NFIB: variants seen among roughly 807,000 people sequenced by gnomAD.
NFIB encodes the protein nuclear factor I B.
Under a neutral mutation model 61.5 loss-of-function variants are expected in NFIB, and 11 were observed. The observed-to-expected ratio is 0.18, with a 90% confidence interval of 0.11 to 0.30. NFIB has a LOEUF of 0.30. NFIB is among the 10% of genes least tolerant of loss of function. NFIB has a pLI of 1.00. For synonymous variants in NFIB, 260 were observed against 216.5 expected, an observed-to-expected ratio of 1.20 and a Z score of -1.76; for missense variants, 471 against 608.9, an observed-to-expected ratio of 0.77 and a Z score of 2.38.
At chr9:14,116,913 C>A (rs1413010155) in intron 8 of NFIB, among the ~76,000 whole-genome samples, 1 of 152,216 alleles carries the variant, frequency 6.6e-6, no homozygotes, top group Non-Finnish European at 1.5e-5. Flanking sequence ...AGCTCTCTTA[C>A]ACACAGGTGT....
intron 2 of NFIB, among the ~76,000 whole-genome samples, chr9:14,242,902 T>C (rs991795151): frequency 1.3e-5 from 2 of 152,250 alleles, no homozygotes; most frequent in Non-Finnish European, 2.9e-5. Context: ...CTAATGAATA[T>C]ATATGTACTG....
chr9:14,218,637 T>C (rs550998157), intron 2 of NFIB, among the ~76,000 whole-genome samples: 1 of 152,208 alleles, frequency 6.6e-6, no homozygotes, highest in Non-Finnish European at 1.5e-5. Context: ...TCTGGATTAC[T>C]GGGAATTTTA....
chr9:14,503,338 C>A, the NFIB span, among the ~76,000 whole-genome samples: 1 of 152,074 alleles, frequency 6.6e-6, no homozygotes, highest in African/African-American at 2.4e-5. Context: ...AATGGTGGAT[C>A]TACTTTTAAT....
chr9:14,476,436 G>C, the NFIB span, among the ~76,000 whole-genome samples: 4 of 152,162 alleles, frequency 2.6e-5, no homozygotes, highest in African/African-American at 9.7e-5. Context: ...AGCCAGATCA[G>C]TGTTCATGCT....
At chr9:14,162,177 T>G (rs189854346) in intron 3 of NFIB, among the ~76,000 whole-genome samples, 1 of 152,016 alleles carries the variant, frequency 6.6e-6, no homozygotes, top group Admixed American at 6.6e-5. Flanking sequence ...AGCAGGAAAT[T>G]TTTTTCCTAA....
chr9:14,516,419 G>A, the NFIB span, among the ~76,000 whole-genome samples: 18 of 152,192 alleles, frequency 1.2e-4, no homozygotes, highest in African/African-American at 3.1e-4. Context: ...CAAAGGCACT[G>A]ACCGATAACT....
rs752586971 is a variant in NFIB, at chr9:14,270,252, G to A, written c.562+36737C>T. Among the ~76,000 whole-genome samples the A allele has an allele frequency of 2.0e-5, 3 of 152,014 alleles. 1 individual carries two copies. In the South Asian group the frequency reaches 6.2e-4, roughly 32 times the overall value. ...CCTAGGCAGAGTTCCTGTTCACACT[G>A]TACAGTTACTATTATTATTTATCAT... On this transcript the variant is annotated intron_variant, in intron 2 of 10. Coordinates refer to ENST00000380953, the MANE Select transcript of NFIB (RefSeq NM_001190737.2).
chr9:14,230,973 G>A (rs1049684938), intron 2 of NFIB, among the ~76,000 whole-genome samples: 1 of 122,564 alleles, frequency 8.2e-6, no homozygotes, highest in East Asian at 2.7e-4. Context: ...AAAGGCAAAG[G>A]GGGAGCGGAG....
At chr9:14,425,935 A>G in the NFIB span, among the ~76,000 whole-genome samples, 1 of 152,224 alleles carries the variant, frequency 6.6e-6, no homozygotes, top group African/African-American at 2.4e-5. Flanking sequence ...GACTAAAGGA[A>G]GAAAAACGAG....
chr9:14,518,618 T>C, the NFIB span, among the ~76,000 whole-genome samples: 1 of 151,830 alleles, frequency 6.6e-6, no homozygotes, highest in Non-Finnish European at 1.5e-5. Flanking sequence ...CACCACTACT[T>C]TTGTCCTGCA....
intron 2 of NFIB, among the ~76,000 whole-genome samples, chr9:14,287,111 C>T (rs1588136283): frequency 1.3e-5 from 2 of 152,096 alleles, no homozygotes; most frequent in South Asian, 2.1e-4. Context: ...TGATTTGTAA[C>T]CTTAAAAGAT....
chr9:14,335,392 A>C (rs1273489859), intron 1 of NFIB, among the ~76,000 whole-genome samples: 1 of 152,230 alleles, frequency 6.6e-6, no homozygotes, highest in Non-Finnish European at 1.5e-5. Flanking sequence ...TCTAGTAAGT[A>C]TGTAGTGTAT....
At chr9:14,204,839 T>C in intron 2 of NFIB, 3 of 462,194 alleles carry the variant, frequency 6.5e-6, no homozygotes, top group South Asian at 6.2e-5. Flanking sequence ...CAGGAAGACC[T>C]GCACCACTGC....
upstream of NFIB, among the ~76,000 whole-genome samples, chr9:14,316,054 G>A (rs1588295208): frequency 6.6e-6 from 1 of 152,026 alleles, no homozygotes; most frequent in South Asian, 2.1e-4. Context: ...CACTCCCTCT[G>A]GTTTCTGTCC....
At chr9:14,452,335 AAAG>A in the NFIB span, among the ~76,000 whole-genome samples, 1 of 150,984 alleles carries the variant, frequency 6.6e-6, no homozygotes, top group Non-Finnish European at 1.5e-5. Context: ...AAGAAAGAAA[AAAG>A]AAGGAGGGAA....
At chr9:14,451,121 T>C in the NFIB span, among the ~76,000 whole-genome samples, 1 of 152,168 alleles carries the variant, frequency 6.6e-6, no homozygotes, top group African/African-American at 2.4e-5. Context: ...ACATTTGAGG[T>C]GTTACCAATT....
At chr9:14,399,288 G>T (rs34082819), upstream of NFIB, among the ~76,000 whole-genome samples, 1 of 152,172 alleles carries the variant, frequency 6.6e-6, no homozygotes, top group Non-Finnish European at 1.5e-5. Context: ...CACTGGTCTA[G>T]ATAGTTGGAT....
In NFIB at chr9:14,307,071, T is replaced by C; in HGVS notation, c.480A>G (p.Pro160=). Residue 160 remains proline (P), a synonymous_variant, in exon 2 of 11, where the codon CCA becomes CCG. Coordinates refer to ENST00000380953, the MANE Select transcript of NFIB (RefSeq NM_001190737.2). The surrounding 1 kb of genome is among the most constrained non-coding windows in gnomAD (Gnocchi z 5.3). ...RLMKSPHCTN[P]ALCVQPHHIT... ...TATGATGTGGCTGGACACAAAGTGCTGGGTTTGTGCAATGTGGGGATTTCA... is the reference window on the plus strand; with the variant it reads ...TATGATGTGGCTGGACACAAAGTGCCGGGTTTGTGCAATGTGGGGATTTCA... 2 of 1,614,186 alleles carry C rather than the reference T, an allele frequency of 1.2e-6. No homozygotes were observed. The highest frequency in any genetic ancestry group is 8.5e-7 in the Non-Finnish European group (1 of 1,180,030).
chr9:14,447,698 T>C, the NFIB span, among the ~76,000 whole-genome samples: 1 of 152,218 alleles, frequency 6.6e-6, no homozygotes, highest in Non-Finnish European at 1.5e-5. Flanking sequence ...ACTTTTATTC[T>C]GAGAGTATAA....
Sources: gnomAD v4.1 joint callset for allele counts (sites outside exome capture counted in the v4.1 genomes callset) on GRCh38, gnomAD v4.1.1 for gene constraint, Gnocchi (gnomAD v3.1) non-coding constraint, MANE v1.5 for transcripts, NCBI Gene and HGNC (gene_info 2026-07-23, HGNC 2026-07-21) for gene names.